ALOX15B: variants seen among roughly 807,000 people sequenced by gnomAD.
ALOX15B encodes the protein arachidonate 15-lipoxygenase type B.
In ALOX15B, 74 loss-of-function variants were observed where a neutral mutation model predicts 73.8. The observed-to-expected ratio is 1.00, with a 90% CI of 0.83 to 1.22. The LOEUF (loss-of-function observed/expected upper bound fraction) is 1.22, where lower values mean the gene tolerates loss of function less well. Among genes scored for constraint, ALOX15B ranks in the 50% most tolerant of loss-of-function variants. The pLI is 0.00. For synonymous variants in ALOX15B, 353 were observed against 357.2 expected (o/e 0.99, Z 0.13); for missense variants, 896 against 859.9 (o/e 1.04, Z -0.52).
intron 8 of ALOX15B, among the ~76,000 whole-genome samples, chr17:8,046,053 C>G (rs1307948926): frequency 6.6e-6 from 1 of 152,146 alleles, no homozygotes; most frequent in Non-Finnish European, 1.5e-5. Flanking sequence ...GGGAGGCCCC[C>G]GTGCTCTAGG....
rs1205919528 is a variant in ALOX15B at position 8,045,064 on chromosome 17, T to C, written c.849+63T>C. The C allele has an allele frequency of 3.1e-6, 5 of 1,600,442 alleles. No individual in the cohort carries two copies. The East Asian group carries it at 8.9e-5, about 29-fold the overall frequency. ...TCTCAGTGCCTTCACACCCGTCCCC[T>C]ACTGGAGACAGAGGGGCACACTCAC... On this transcript the variant is annotated intron_variant, in intron 6 of 13. Coordinates refer to ENST00000380183, the MANE Select transcript of ALOX15B (RefSeq NM_001141.3).
At chr17:8,047,452 C>G in intron 11 of ALOX15B, 73 bp downstream of exon 11, 1 of 1,600,838 alleles carries the variant, frequency 6.2e-7, no homozygotes. Flanking sequence ...GCAGAGCACG[C>G]ATTTGAGTGG....
In ALOX15B at chr17:8,048,641, G is replaced by T; in HGVS notation, c.*76G>T. The T allele has an allele frequency of 6.6e-7, 1 of 1,506,880 alleles. No homozygotes were observed. Among genetic ancestry groups the T allele is most frequent in the Non-Finnish European group, 8.9e-7 (1 of 1,123,224 alleles). 93.3% of individuals were successfully genotyped at this position (1,506,880 alleles called of 1,614,324 possible). A position where few individuals can be genotyped will look rare whatever the true frequency, so the allele number is the denominator to read the frequency against. On this transcript the variant is annotated 3_prime_UTR_variant, in exon 14 of 14. Coordinates refer to ENST00000380183, the MANE Select transcript of ALOX15B (RefSeq NM_001141.3). Reference sequence around the variant, plus strand: ...AGGATAACTGGCACCCAGAGAAAAGGACTCCTCAGAAAAAACAGGCCCCCA... The same window carrying T: ...AGGATAACTGGCACCCAGAGAAAAGTACTCCTCAGAAAAAACAGGCCCCCA...
At chr17:8,048,267 T>C (rs1253585622) in intron 13 of ALOX15B, 119 bp from the exon 14 acceptor site, 1 of 1,268,524 alleles carries the variant, frequency 7.9e-7, no homozygotes, top group Non-Finnish European at 1.1e-6. Flanking sequence ...GGTCCCACAC[T>C]TGGGGGCTAG....
rs1260404859 is a variant in ALOX15B at position 8,042,958 on chromosome 17, A to C, written c.676+74A>C. The stretch of plus-strand genomic sequence containing the variant: ...TCCTGTGGCTGCCCAGAGTCTCAGA[A>C]AACCAAGCACCAATTTGCTATGTAA... On this transcript the variant is annotated intron_variant, in intron 5 of 13. Transcript: ENST00000380183. The C allele has an allele frequency of 1.1e-5, 14 of 1,265,226 alleles. No individual in the cohort carries two copies. The East Asian group carries it at 2.5e-4, about 23-fold the overall frequency. 78.4% of individuals were successfully genotyped at this position (1,265,226 alleles called of 1,614,324 possible).
At position 8,039,550 on chromosome 17, in the gene ALOX15B, C is replaced by T. The variant is rs767356851; in HGVS notation, c.312C>T (p.Phe104=). 6.5e-7 allele frequency: 1 copy of T among 1,541,848 alleles called. No homozygotes were observed. The change falls in exon 2 of 14, where the codon TTC becomes TTT. Residue 104 remains phenylalanine (F), a synonymous_variant. Coordinates refer to ENST00000380183, the MANE Select transcript of ALOX15B (RefSeq NM_001141.3). ...LTPPRGGHLL[F]PCYQWLEGAG... is the part of the protein sequence containing the mutation. ...CGCCGCGGGGCGGCCACCTCCTCTTCCCCTGCTACCAGTGGCTGGAGGGGG... is the reference window on the plus strand; with the variant it reads ...CGCCGCGGGGCGGCCACCTCCTCTTTCCCTGCTACCAGTGGCTGGAGGGGG...
In ALOX15B at chr17:8,047,239, G is replaced by T; in HGVS notation, c.1458-19G>T. The T allele has an allele frequency of 6.2e-7, 1 of 1,613,918 alleles. No homozygotes were observed. Among genetic ancestry groups the T allele is most frequent in the South Asian group, 1.1e-5 (1 of 91,040 alleles). On this transcript the variant is annotated intron_variant, in intron 10 of 13. Coordinates refer to ENST00000380183, the MANE Select transcript of ALOX15B (RefSeq NM_001141.3). Reference sequence around the variant, plus strand: ...CGGGTCGGGGTTGGAGGCTGGACCTGAACCTGGATGCATTGCAGCTTTGTC... The same window carrying T: ...CGGGTCGGGGTTGGAGGCTGGACCTTAACCTGGATGCATTGCAGCTTTGTC...
At position 8,047,603 on chromosome 17, in the gene ALOX15B, A is replaced by G. The variant is rs779955652; in HGVS notation, c.1619A>G (p.Gln540Arg). The change falls in exon 12 of 14, where the codon CAG (glutamine) becomes CGG (arginine). Residue 540 changes from glutamine (Q) to arginine (R), a missense_variant. Transcript: ENST00000380183. ...CTGGAGACCCGGGAAGCCCTGGTGC[A>G]GTATGTCACCATGGTGATATTCACC... is the stretch of plus-strand genomic sequence containing the variant. ...SSLETREALVQYVTMVIFTCS... is the reference protein window; with the variant it reads ...SSLETREALVRYVTMVIFTCS... The G allele has an allele frequency of 1.2e-6, 2 of 1,610,672 alleles. No individual in the cohort carries two copies. Among genetic ancestry groups the G allele is most frequent in the South Asian group, 1.1e-5 (1 of 90,376 alleles).
chr17:8,046,570 T>C, intron 8 of ALOX15B, 98 bp from the exon 9 acceptor site: 1 of 1,297,728 alleles, frequency 7.7e-7, no homozygotes, highest in Non-Finnish European at 1.1e-6. Context: ...TTGTTGCCTC[T>C]TTCCAAGTGA....
At chr17:8,045,425 C>T in intron 7 of ALOX15B, 41 bp downstream of exon 7, 1 of 1,613,758 alleles carries the variant, frequency 6.2e-7, no homozygotes, top group Non-Finnish European at 8.5e-7. Flanking sequence ...GAAGAAGAGT[C>T]AGGAGAATGG....
chr17:8,040,099 C>A, intron 3 of ALOX15B, 116 bp downstream of exon 3: 2 of 965,886 alleles, frequency 2.1e-6, no homozygotes, highest in Non-Finnish European at 3.1e-6. Context: ...ATCAAAGCTG[C>A]TCCTGGGATC....
chr17:8,043,027 C>T, intron 5 of ALOX15B, 143 bp downstream of exon 5: 1 of 660,794 alleles, frequency 1.5e-6, no homozygotes, highest in Admixed American at 2.9e-5. Context: ...CCCACAGAGA[C>T]AAAAGAGAAT....
chr17:8,046,887 C>A lies in ALOX15B; in HGVS notation c.1288-20C>A. 1.2e-6 allele frequency: 2 copies of A among 1,613,598 alleles called. No individual in the cohort carries two copies. The highest frequency in any genetic ancestry group is 1.7e-6 in the Non-Finnish European group (2 of 1,179,624). Reference sequence around the variant, plus strand: ...GCTTCTGGAGCAAGGTCTGTAGGACCCAAGAGTCCTGTCTCTCAGTCCACA... The same window carrying A: ...GCTTCTGGAGCAAGGTCTGTAGGACACAAGAGTCCTGTCTCTCAGTCCACA... On this transcript the variant is annotated intron_variant, in intron 9 of 13. Coordinates refer to ENST00000380183, the MANE Select transcript of ALOX15B (RefSeq NM_001141.3).
At position 8,039,476 on chromosome 17, in the gene ALOX15B, G is replaced by C. The variant is rs765925684; in HGVS notation, c.238G>C (p.Gly80Arg). 49 of 1,595,384 alleles carry C rather than the reference G, an allele frequency of 3.1e-5. No individual in the cohort carries two copies. The highest frequency in any genetic ancestry group is 4.0e-5 in the African/African-American group (3 of 74,308). The change falls in exon 2 of 14, where the codon GGG becomes CGG. Residue 80 changes from glycine (G) to arginine (R), a missense_variant. Transcript: ENST00000380183. ...HKAPPVLPLL[G>R]PLAPDAWFCR... ...GGCGCCCCCAGTGCTGCCCCTGCTGGGGCCCCTGGCCCCGGATGCCTGGTT... is the reference window on the plus strand; with the variant it reads ...GGCGCCCCCAGTGCTGCCCCTGCTGCGGCCCCTGGCCCCGGATGCCTGGTT...
At chr17:8,042,952 C>T (rs1976502914) in intron 5 of ALOX15B, 68 bp downstream of exon 5, 4 of 1,321,978 alleles carry the variant, frequency 3.0e-6, no homozygotes, top group Non-Finnish European at 4.2e-6. Flanking sequence ...TGCCCAGAGT[C>T]TCAGAAAACC....
In ALOX15B at chr17:8,046,684, C is replaced by T; in HGVS notation, c.1217C>T (p.Thr406Ile). Residue 406 changes from threonine to isoleucine, a missense_variant, in exon 9 of 14, where the codon ACC (threonine) becomes ATC (isoleucine). Thr to Ile is a moderately conservative substitution (Grantham distance 89). Coordinates refer to ENST00000380183, the MANE Select transcript of ALOX15B (RefSeq NM_001141.3). The stretch of plus-strand genomic sequence containing the variant: ...GCCATGCAGCTGCTGATCCCGCACA[C>T]CCGATACACCCTGCACATCAACACA... ...HPLFKLLIPH[T>I]RYTLHINTLA... 6.2e-7 allele frequency: 1 copy of T among 1,613,884 alleles called. No homozygotes were observed. The highest frequency in any genetic ancestry group is 2.2e-5 in the East Asian group (1 of 44,876).
intron 3 of ALOX15B, among the ~76,000 whole-genome samples, chr17:8,040,470 G>A (rs1009248053): frequency 6.6e-5 from 10 of 151,482 alleles, no homozygotes; most frequent in South Asian, 2.1e-4. Flanking sequence ...GCTTGAACCC[G>A]GGTGGTGGAG....
chr17:8,039,504 G>T lies in ALOX15B; in HGVS notation c.266G>T (p.Cys89Phe). Reference protein sequence around the residue: ...LGPLAPDAWFCRWFQLTPPRG... With the variant: ...LGPLAPDAWFFRWFQLTPPRG... ...CCCCTGGCCCCGGATGCCTGGTTCT[G>T]CCGCTGGTTCCAGCTGACACCGCCG... Residue 89 changes from cysteine to phenylalanine, a missense_variant, in exon 2 of 14, where the codon TGC becomes TTC. By Grantham distance (205) the Cys-to-Phe change is radical. Coordinates refer to ENST00000380183, the MANE Select transcript of ALOX15B (RefSeq NM_001141.3). 1.9e-6 allele frequency: 3 copies of T among 1,571,486 alleles called. No individual in the cohort carries two copies. Among genetic ancestry groups the T allele is most frequent in the Non-Finnish European group, 2.6e-6 (3 of 1,161,288 alleles).
intron 4 of ALOX15B, 27 bp from the exon 5 acceptor site, chr17:8,042,754 C>T (rs1465202302): frequency 6.5e-7 from 1 of 1,539,288 alleles, no homozygotes; most frequent in South Asian, 1.2e-5. Flanking sequence ...CTCCTCCCCA[C>T]TCCCCACCCC....
Sources: gnomAD v4.1 joint callset for allele counts (sites outside exome capture counted in the v4.1 genomes callset) on GRCh38, gnomAD v4.1.1 for gene constraint, MANE v1.5 for transcripts, NCBI Gene and HGNC (gene_info 2026-07-23, HGNC 2026-07-21) for gene names.